The following KALRN variants were observed in gnomAD, a reference collection of about 807,000 sequenced individuals.
KALRN encodes kalirin RhoGEF kinase.
In KALRN, 70 loss-of-function variants were observed where a neutral mutation model predicts 353.7. The ratio of observed to expected loss-of-function variants is 0.20; its 90% CI spans 0.16 to 0.24. The LOEUF is 0.24. Ranked by LOEUF, KALRN falls within the 10% of genes least tolerant of loss-of-function variation. The pLI is 1.00. For synonymous variants in KALRN, 1,391 were observed against 1,434.8 expected (o/e 0.97, Z 0.69); for missense variants, 2,791 against 3,756.7 (o/e 0.74, Z 6.72).
At chr3:124,425,917 G>A (rs904750566) in intron 15 of KALRN, among the ~76,000 whole-genome samples, 2 of 152,078 alleles carry the variant, frequency 1.3e-5, no homozygotes, top group South Asian at 4.1e-4. Flanking sequence ...TTTCATGAGT[G>A]GGAAGACAAA....
chr3:124,181,068 T>C (rs927561490), intron 1 of KALRN, among the ~76,000 whole-genome samples: 4 of 24,426 alleles, frequency 1.6e-4, no homozygotes, highest in Non-Finnish European at 3.0e-4. Flanking sequence ...CCATCTCTAC[T>C]AAAAATACAA....
chr3:124,274,924 G>A (rs1411393906), intron 5 of KALRN, among the ~76,000 whole-genome samples: 2 of 152,192 alleles, frequency 1.3e-5, no homozygotes, highest in African/African-American at 2.4e-5. Flanking sequence ...GTGCCATGCT[G>A]AAATGGAGCT....
intron 33 of KALRN, among the ~76,000 whole-genome samples, chr3:124,556,133 C>T (rs1469729189): frequency 6.6e-6 from 1 of 152,168 alleles, no homozygotes; most frequent in Non-Finnish European, 1.5e-5. Flanking sequence ...ATTCTTCCCA[C>T]TATTAATTAC....
chr3:124,176,339 T>A (rs1176727348), intron 1 of KALRN, among the ~76,000 whole-genome samples: 1 of 152,166 alleles, frequency 6.6e-6, no homozygotes, highest in East Asian at 1.9e-4. Flanking sequence ...TCAGGCTCAG[T>A]AATATCCACG....
At chr3:124,384,132 T>G (rs897993972) in intron 10 of KALRN, among the ~76,000 whole-genome samples, 1 of 152,190 alleles carries the variant, frequency 6.6e-6, no homozygotes, top group Non-Finnish European at 1.5e-5. Flanking sequence ...CCTTTTAAAA[T>G]GCTCTGGAGA....
Position 124,524,986 on chromosome 3 carries a change from C to T in KALRN, c.4935+28573C>T, listed in dbSNP as rs550877670. Among the ~76,000 whole-genome samples the T allele has an allele frequency of 3.6e-4, 55 of 152,280 alleles. No individual in the cohort carries two copies. In the South Asian group the frequency reaches 3.7e-3, roughly 10 times the overall value. ...GACCACTCTTTTTTAGATTGGGCTT[C>T]GTGAATAGAATCACAAGCCAGGGGT... On this transcript the variant is annotated intron_variant, in intron 33 of 59. Transcript: ENST00000682506.
At chr3:124,355,875 C>G (rs763812757) in intron 10 of KALRN, among the ~76,000 whole-genome samples, 33 of 151,996 alleles carry the variant, frequency 2.2e-4, no homozygotes, top group Admixed American at 1.1e-3. Context: ...GCCACTACAC[C>G]CTGCTAATTT....
At position 124,695,294 on chromosome 3, in the gene KALRN, G is replaced by C. The variant is rs114323618; in HGVS notation, c.7577+791G>C. Among the ~76,000 whole-genome samples, 519 of 152,318 alleles carry C rather than the reference G, an allele frequency of 3.4e-3. 4 individuals carry two copies. Among genetic ancestry groups the C allele is most frequent in the African/African-American group, 0.012 (488 of 41,562 alleles). ...GTGTACTGTTGCTTACAGTGGACAA[G>C]TGGTAGCAAGCCCTAGATGCTTGAG... On this transcript the variant is annotated intron_variant, in intron 53 of 59. Transcript: ENST00000682506.
At chr3:124,454,056 A>T (rs1381872021) in intron 21 of KALRN, among the ~76,000 whole-genome samples, 1 of 152,262 alleles carries the variant, frequency 6.6e-6, no homozygotes, top group Non-Finnish European at 1.5e-5. Context: ...AAATGAAATT[A>T]ATCCAGTAAA....
chr3:124,397,231 A>C (rs1268454566), intron 12 of KALRN, among the ~76,000 whole-genome samples: 1 of 152,198 alleles, frequency 6.6e-6, no homozygotes, highest in Non-Finnish European at 1.5e-5. Flanking sequence ...CACTGAGTAC[A>C]TCTCATGTTA....
intron 10 of KALRN, 32 bp from the exon 11 acceptor site, chr3:124,384,813 A>G (rs2087957289): frequency 1.3e-6 from 2 of 1,547,066 alleles, no homozygotes. Flanking sequence ...CGCGACTGCA[A>G]CTTGACTTTG....
At chr3:124,628,315 C>T (rs147905689) in intron 34 of KALRN, among the ~76,000 whole-genome samples, 1,286 of 3,622 alleles carry the variant, frequency 0.36, 464 homozygotes, top group Middle Eastern at 1. Flanking sequence ...CCTCCCTCCC[C>T]CCTCCTTCCT....
intron 1 of KALRN, among the ~76,000 whole-genome samples, chr3:124,108,608 T>C (rs921263437): frequency 1.3e-5 from 2 of 152,190 alleles, no homozygotes; most frequent in African/African-American, 2.4e-5. Context: ...TAAAAGCCAA[T>C]ATACTGTTTA....
intron 3 of KALRN, among the ~76,000 whole-genome samples, chr3:124,261,301 A>G (rs2072832579): frequency 6.6e-6 from 1 of 152,240 alleles, no homozygotes; most frequent in Non-Finnish European, 1.5e-5. Context: ...GGAGATAACC[A>G]TACCTAGTTT....
At chr3:124,333,342 C>T (rs1013084180) in intron 8 of KALRN, among the ~76,000 whole-genome samples, 10 of 152,134 alleles carry the variant, frequency 6.6e-5, no homozygotes, top group Admixed American at 2.0e-4. Context: ...ATTCTAAATA[C>T]GGTATGTGTG....
chr3:124,666,401 T>TC (rs747654654), intron 45 of KALRN, 48 bp from the exon 46 acceptor site: 1 of 1,576,558 alleles, frequency 6.3e-7, no homozygotes. Context: ...GGGCAGTGGC[T>TC]CGCTCCCCAT....
At chr3:124,712,870 T>C (rs994364915) in intron 57 of KALRN, 65 bp from the exon 58 acceptor site, 6 of 1,170,672 alleles carry the variant, frequency 5.1e-6, no homozygotes, top group African/African-American at 3.1e-5. Context: ...ACTTTACTTA[T>C]CCATGAATAA....
At chr3:124,131,823 A>C (rs1312065571) in intron 1 of KALRN, among the ~76,000 whole-genome samples, 1 of 152,168 alleles carries the variant, frequency 6.6e-6, no homozygotes, top group Non-Finnish European at 1.5e-5. Flanking sequence ...TAGACAACCC[A>C]GGCCCATTTC....
rs530535631 is a variant in KALRN, at chr3:124,214,715, A to G, written c.74-13275A>G. On this transcript the variant is annotated intron_variant, in intron 1 of 59. Coordinates refer to ENST00000682506, the MANE Select transcript of KALRN (RefSeq NM_001388419.1). ...TGTAGCAAGCAGATTTTAGGATCCA[A>G]CTCACTTGGATTTGTATTCACCACT... is the stretch of plus-strand genomic sequence containing the variant. Among the ~76,000 whole-genome samples the G allele has an allele frequency of 2.0e-5, 3 of 152,246 alleles. No homozygotes were observed. In the South Asian group the frequency reaches 6.2e-4, roughly 32 times the overall value.
Sources: allele counts gnomAD v4.1 joint callset (sites outside exome capture counted in the v4.1 genomes callset), GRCh38; gene constraint gnomAD v4.1.1; transcripts MANE v1.5; gene names NCBI Gene and HGNC (gene_info 2026-07-23, HGNC 2026-07-21).